Variants in SLC24A2 observed in about 807,000 individuals in gnomAD.
SLC24A2 encodes the protein sodium/potassium/calcium exchanger 2.
Under a neutral mutation model 62.0 loss-of-function variants are expected in SLC24A2, and 36 were observed. The observed-to-expected ratio is 0.58, with a 90% confidence interval of 0.44 to 0.77. SLC24A2 has a LOEUF of 0.77. Ranked by LOEUF, SLC24A2 falls within the 30% of genes least tolerant of loss-of-function variation. SLC24A2 has a pLI of 0.00. For synonymous variants in SLC24A2, 358 were observed against 294.0 expected (o/e 1.22, Z -2.23); for missense variants, 846 against 817.9 (o/e 1.03, Z -0.42).
the SLC24A2 span, among the ~76,000 whole-genome samples, chr9:20,222,570 T>C: frequency 6.6e-6 from 1 of 152,062 alleles, no homozygotes; most frequent in African/African-American, 2.4e-5. Context: ...AAGAAAAGGA[T>C]ATATTTACAA....
At chr9:19,689,067 A>G (rs1819967814) in intron 2 of SLC24A2, among the ~76,000 whole-genome samples, 3 of 152,230 alleles carry the variant, frequency 2.0e-5, no homozygotes, top group South Asian at 4.1e-4. Context: ...ATCCCCAGCT[A>G]TTTTCCTAGT....
At chr9:19,856,842 G>T in the SLC24A2 span, among the ~76,000 whole-genome samples, 1 of 152,148 alleles carries the variant, frequency 6.6e-6, no homozygotes, top group Non-Finnish European at 1.5e-5. Context: ...GCACTGCACT[G>T]GGGAGAAATC....
the SLC24A2 span, among the ~76,000 whole-genome samples, chr9:19,956,731 C>T: frequency 6.6e-6 from 1 of 152,156 alleles, no homozygotes; most frequent in South Asian, 2.1e-4. Flanking sequence ...TTACCTCCCA[C>T]CAGATTCCTC....
the SLC24A2 span, among the ~76,000 whole-genome samples, chr9:19,856,827 G>A: frequency 1.3e-4 from 20 of 152,186 alleles, no homozygotes; most frequent in African/African-American, 4.1e-4. Flanking sequence ...TGGATCGGTT[G>A]CGCTGCACTG....
intron 2 of SLC24A2, among the ~76,000 whole-genome samples, chr9:19,750,732 T>A (rs1353769540): frequency 6.6e-6 from 1 of 152,094 alleles, no homozygotes; most frequent in Non-Finnish European, 1.5e-5. Context: ...GACACAAAGG[T>A]CCTTCAAGGT....
intron 2 of SLC24A2, among the ~76,000 whole-genome samples, chr9:19,772,608 C>T (rs536547651): frequency 6.6e-6 from 1 of 152,158 alleles, no homozygotes; most frequent in South Asian, 2.1e-4. Flanking sequence ...GCCAATAAGT[C>T]CAACGTTATC....
chr9:19,758,527 C>A (rs1822214455), intron 2 of SLC24A2, among the ~76,000 whole-genome samples: 1 of 152,086 alleles, frequency 6.6e-6, no homozygotes. Context: ...TAGGTCTTTA[C>A]TTAAACAAAC....
At chr9:19,923,293 C>T in the SLC24A2 span, among the ~76,000 whole-genome samples, 2 of 152,170 alleles carry the variant, frequency 1.3e-5, no homozygotes, top group Non-Finnish European at 2.9e-5. Context: ...TTAATGTTTC[C>T]TTTAATGCAT....
At chr9:19,727,499 A>G (rs1378122115) in intron 2 of SLC24A2, among the ~76,000 whole-genome samples, 2 of 152,108 alleles carry the variant, frequency 1.3e-5, no homozygotes, top group Admixed American at 1.3e-4. Flanking sequence ...CTCCCCTACA[A>G]GAAGGGAAGC....
chr9:20,208,715 T>C, the SLC24A2 span, among the ~76,000 whole-genome samples: 1 of 152,296 alleles, frequency 6.6e-6, no homozygotes, highest in Admixed American at 6.5e-5. Flanking sequence ...AACGAGTAGA[T>C]AGACCCCCAT....
the SLC24A2 span, among the ~76,000 whole-genome samples, chr9:19,875,437 G>A: frequency 4.6e-5 from 7 of 152,152 alleles, no homozygotes; most frequent in Non-Finnish European, 1.0e-4. Context: ...AAAGCATACC[G>A]ATGAGGACAG....
At chr9:19,844,969 T>C in the SLC24A2 span, among the ~76,000 whole-genome samples, 15 of 151,934 alleles carry the variant, frequency 9.9e-5, no homozygotes, top group African/African-American at 3.6e-4. Flanking sequence ...CTTTTTTTTT[T>C]TTCCTGAGGA....
chr9:20,101,253 C>T, the SLC24A2 span, among the ~76,000 whole-genome samples: 1 of 152,226 alleles, frequency 6.6e-6, no homozygotes, highest in African/African-American at 2.4e-5. Context: ...AGAGCCAAGG[C>T]AGATGCTGGA....
the SLC24A2 span, among the ~76,000 whole-genome samples, chr9:19,958,853 G>A: frequency 4.2e-4 from 64 of 152,264 alleles, 1 homozygote; most frequent in African/African-American, 1.4e-3. Context: ...TAAACGCAAG[G>A]TAAAATATCA....
the SLC24A2 span, among the ~76,000 whole-genome samples, chr9:20,050,645 T>G: frequency 6.6e-6 from 1 of 152,206 alleles, no homozygotes; most frequent in Non-Finnish European, 1.5e-5. Flanking sequence ...GTTATAAAGA[T>G]GTATCAACTC....
At chr9:20,202,429 G>A in the SLC24A2 span, among the ~76,000 whole-genome samples, 4 of 152,128 alleles carry the variant, frequency 2.6e-5, no homozygotes, top group South Asian at 8.3e-4. Flanking sequence ...TGCCATTTTC[G>A]ACAGGCGCAT....
At chr9:20,006,502 G>C in the SLC24A2 span, among the ~76,000 whole-genome samples, 3 of 152,174 alleles carry the variant, frequency 2.0e-5, no homozygotes, top group South Asian at 6.2e-4. Context: ...AAGGATAAAT[G>C]CTTGAGGGGA....
the SLC24A2 span, among the ~76,000 whole-genome samples, chr9:20,029,794 T>C: frequency 6.6e-6 from 1 of 152,160 alleles, no homozygotes; most frequent in African/African-American, 2.4e-5. Flanking sequence ...CTAGCTAGAG[T>C]TCCTGGGATA....
the SLC24A2 span, among the ~76,000 whole-genome samples, chr9:20,218,157 T>G: frequency 6.6e-6 from 1 of 152,206 alleles, no homozygotes; most frequent in Admixed American, 6.5e-5. Flanking sequence ...CATTCTGAAC[T>G]AGGAAGGCAC....
Sources: allele counts gnomAD v4.1 joint callset (sites outside exome capture counted in the v4.1 genomes callset), GRCh38; gene constraint gnomAD v4.1.1; transcripts MANE v1.5; gene names NCBI Gene and HGNC (gene_info 2026-07-23, HGNC 2026-07-21).